The following TMPRSS5 variants were observed in gnomAD, a reference collection of about 807,000 sequenced individuals.
TMPRSS5 encodes the protein transmembrane serine protease 5, also known as transmembrane protease serine 5.
TMPRSS5 carries 45 observed loss-of-function variants against 59.7 expected under a neutral mutation model. The observed-to-expected ratio is 0.75, with a 90% CI of 0.59 to 0.97. The LOEUF (loss-of-function observed/expected upper bound fraction) is 0.97. TMPRSS5 is among the 50% of genes least tolerant of loss of function. The probability of loss-of-function intolerance (pLI) is 0.00; values close to 1 mark genes in which losing one functional copy is unlikely to be tolerated. For missense variants in TMPRSS5, 585 were observed against 596.7 expected, an observed-to-expected ratio of 0.98 and a Z score of 0.20; for synonymous variants, 225 against 232.0, an observed-to-expected ratio of 0.97 and a Z score of 0.27.
intron 12 of TMPRSS5, among the ~76,000 whole-genome samples, chr11:113,688,866 T>C (rs1952677604): frequency 6.6e-6 from 1 of 151,814 alleles, no homozygotes; most frequent in Non-Finnish European, 1.5e-5. Context: ...CGACCAGTAA[T>C]GTGTTTTTAT....
At chr11:113,688,870 T>C (rs1284664649) in intron 12 of TMPRSS5, among the ~76,000 whole-genome samples, 1 of 152,096 alleles carries the variant, frequency 6.6e-6, no homozygotes, top group Non-Finnish European at 1.5e-5. Flanking sequence ...CAGTAATGTG[T>C]TTTTATACAC....
chr11:113,699,126 C>T (rs555506713), intron 3 of TMPRSS5, 99 bp from the exon 4 acceptor site: 1 of 1,369,222 alleles, frequency 7.3e-7, no homozygotes, highest in Admixed American at 2.1e-5. Context: ...AGCTCCCCAA[C>T]CAACCTGCTG....
At chr11:113,689,737 C>T (rs781719371) in intron 12 of TMPRSS5, 28 bp downstream of exon 12, 1 of 1,601,134 alleles carries the variant, frequency 6.2e-7, no homozygotes, top group African/African-American at 1.3e-5. Context: ...TAGAAATCTC[C>T]CTGCCCTACT....
chr11:113,696,750 T>A (rs1591381715), intron 6 of TMPRSS5, 108 bp downstream of exon 6: 1 of 713,868 alleles, frequency 1.4e-6, no homozygotes, highest in Non-Finnish European at 2.4e-6. Flanking sequence ...CCTCCTATCA[T>A]AGGCCACCAG....
chr11:113,699,925 A>G (rs1355869637), intron 2 of TMPRSS5, 141 bp downstream of exon 2: 1 of 1,520,780 alleles, frequency 6.6e-7, no homozygotes, highest in Non-Finnish European at 8.8e-7. Context: ...GGGGAGCAGA[A>G]GCAGGTCTGG....
At chr11:113,699,933 T>C (rs1314557349) in intron 2 of TMPRSS5, 133 bp downstream of exon 2, 8 of 1,526,380 alleles carry the variant, frequency 5.2e-6, no homozygotes, top group Non-Finnish European at 7.0e-6. Context: ...GAAGCAGGTC[T>C]GGGGATAAAG....
At chr11:113,693,040 C>CA in intron 9 of TMPRSS5, 31 bp downstream of exon 9, 1 of 1,549,186 alleles carries the variant, frequency 6.5e-7, no homozygotes. Flanking sequence ...CCATAGTCTC[C>CA]AGCCTGCCCA....
At position 113,698,984 on chromosome 11, in the gene TMPRSS5, G is replaced by C. The variant is rs562996267; in HGVS notation, c.249C>G (p.Thr83=). 19 of 1,609,708 alleles carry C rather than the reference G, an allele frequency of 1.2e-5. 1 individual carries two copies. The highest frequency in any genetic ancestry group is 3.4e-5 in the Admixed American group (2 of 59,528). ...CPAASQPISG[T]LQDEEITLSC... ...TCAAAGTTATCTCCTCATCCTGCAA[G>C]GTCCCGGAAATGGGCTGAGAGGCAG... Residue 83 remains threonine, a synonymous_variant, in exon 4 of 13, where the codon ACC becomes ACG. Coordinates refer to ENST00000299882, the MANE Select transcript of TMPRSS5 (RefSeq NM_030770.4).
chr11:113,690,718 G>A (rs1952752398), intron 10 of TMPRSS5, 123 bp downstream of exon 10: 1 of 944,816 alleles, frequency 1.1e-6, no homozygotes. Flanking sequence ...CTGACCAAGG[G>A]TGATGCCAGG....
rs375585424 is a variant in TMPRSS5, at chr11:113,690,872, C to T, written c.1032G>A (p.Val344=). 1.9e-6 allele frequency: 3 copies of T among 1,595,506 alleles called. No individual in the cohort carries two copies. The highest frequency in any genetic ancestry group is 2.3e-5 in the South Asian group (2 of 87,636). ...TAGGGTGGGTGTGGCCCCAGCCAGA[C>T]ACCCAGCACCGCGAGCCCTTCGGAA... ...QHFPKGSRCW[V]SGWGHTHPSH... is the part of the protein sequence containing the mutation. The change falls in exon 10 of 13, where the codon GTG becomes GTA. Residue 344 remains valine (V), a synonymous_variant. Transcript: ENST00000299882.
intron 7 of TMPRSS5, 34 bp from the exon 8 acceptor site, chr11:113,694,674 A>T: frequency 6.6e-7 from 1 of 1,513,664 alleles, no homozygotes; most frequent in Non-Finnish European, 8.9e-7. Flanking sequence ...AGAAAGAGAG[A>T]GAGAGGTGAG....
chr11:113,693,008 A>AAC, intron 9 of TMPRSS5, 63 bp downstream of exon 9: 3 of 1,018,620 alleles, frequency 2.9e-6, no homozygotes, highest in Non-Finnish European at 1.5e-6. Flanking sequence ...CCACTCTCCC[A>AAC]CCCAGCCCCC....
At chr11:113,699,269 C>G (rs925625764) in intron 3 of TMPRSS5, among the ~76,000 whole-genome samples, 1 of 101,158 alleles carries the variant, frequency 9.9e-6, no homozygotes, top group Non-Finnish European at 1.9e-5. Context: ...CTCTCTCTCT[C>G]TCCCTCTCTC....
At chr11:113,690,209 C>A (rs1188252417) in intron 11 of TMPRSS5, 22 bp downstream of exon 11, 4 of 1,479,508 alleles carry the variant, frequency 2.7e-6, no homozygotes, top group Admixed American at 2.1e-5. Context: ...CCCACCCTCA[C>A]CCCAGCCACC....
rs1254062306 is a variant in TMPRSS5, at chr11:113,690,369, G to A, written c.1068C>T (p.Tyr356=). 5.0e-6 allele frequency: 8 copies of A among 1,604,720 alleles called. No homozygotes were observed. The Admixed American group carries it at 5.2e-5, about 10-fold the overall frequency. ...CCGTGTCCTGGAGCATATCCGAGCT[G>A]TAAGCTATGAGAGACACCGAGAAAA... ...GWGHTHPSHT[Y]SSDMLQDTVV... The change falls in exon 11 of 13, where the codon TAC becomes TAT. Residue 356 remains tyrosine (Y), a synonymous_variant. Coordinates refer to ENST00000299882, the MANE Select transcript of TMPRSS5 (RefSeq NM_030770.4).
Position 113,700,079 on chromosome 11 carries a change from G to T in TMPRSS5, c.93C>A (p.Asp31Glu). ...GPGIFRAEPG[D>E]QQHPISQAVC... is the part of the protein sequence containing the mutation. ...AGTCTGGCCTACTGGGATGCTGCTG[G>T]TCTCCAGGCTCTGCTCTGAAGATCC... Residue 31 changes from aspartate to glutamate, a missense_variant, in exon 2 of 13, where the codon GAC (aspartate) becomes GAA (glutamate). Coordinates refer to ENST00000299882, the MANE Select transcript of TMPRSS5 (RefSeq NM_030770.4). 6.4e-7 allele frequency: 1 copy of T among 1,568,328 alleles called. No homozygotes were observed.
Position 113,693,004 on chromosome 11 carries a change from T to G in TMPRSS5, c.964+67A>C, listed in dbSNP as rs985108766. On this transcript the variant is annotated intron_variant, in intron 9 of 12. Transcript: ENST00000299882. Reference sequence around the variant, plus strand: ...AACTTCAGAAATCAGCTCACCACTCTCCCACCCAGCCCCCGCCCTCTCTCG... The same window carrying G: ...AACTTCAGAAATCAGCTCACCACTCGCCCACCCAGCCCCCGCCCTCTCTCG... The G allele has an allele frequency of 2.4e-6, 3 of 1,255,616 alleles. No homozygotes were observed. In the African/African-American group the frequency reaches 4.3e-5, roughly 18 times the overall value. 77.8% of individuals were successfully genotyped at this position (1,255,616 alleles called of 1,614,324 possible).
chr11:113,695,268 G>A (rs529026964), intron 7 of TMPRSS5, 132 bp downstream of exon 7: 6 of 895,446 alleles, frequency 6.7e-6, no homozygotes, highest in Non-Finnish European at 1.1e-5. Flanking sequence ...GGCCTGGCAG[G>A]CAGATGGGCA....
At chr11:113,696,411 C>A (rs1952930690) in intron 6 of TMPRSS5, among the ~76,000 whole-genome samples, 1 of 152,218 alleles carries the variant, frequency 6.6e-6, no homozygotes, top group African/African-American at 2.4e-5. Context: ...TTAGCCAGAG[C>A]AACTCAACCA....
Sources: allele counts gnomAD v4.1 joint callset (sites outside exome capture counted in the v4.1 genomes callset), GRCh38; gene constraint gnomAD v4.1.1; transcripts MANE v1.5; gene names NCBI Gene and HGNC (gene_info 2026-07-23, HGNC 2026-07-21).